The following CAMK1G variants were observed in gnomAD, a reference collection of about 807,000 sequenced individuals.
CAMK1G encodes calcium/calmodulin dependent protein kinase IG.
A neutral mutation model predicts 54.8 loss-of-function variants in CAMK1G; 27 were observed. That is an observed-to-expected ratio of 0.49 (90% CI 0.36 to 0.68). The LOEUF (loss-of-function observed/expected upper bound fraction) is 0.68, where lower values mean the gene tolerates loss of function less well. Among genes scored for constraint, CAMK1G ranks in the 30% least tolerant of loss-of-function variants. The pLI is 0.00. For missense variants in CAMK1G, 512 were observed against 591.0 expected (o/e 0.87, Z 1.39); for synonymous variants, 238 against 224.9 (o/e 1.06, Z -0.52).
intron 1 of CAMK1G, among the ~76,000 whole-genome samples, chr1:209,594,351 T>A (rs1191485960): frequency 6.6e-6 from 1 of 152,220 alleles, no homozygotes; most frequent in African/African-American, 2.4e-5. Context: ...AGGTGCTAAA[T>A]ACATATTGGT....
At chr1:209,605,413 C>G (rs1402072907) in intron 4 of CAMK1G, 123 bp from the exon 5 acceptor site, 1 of 1,178,366 alleles carries the variant, frequency 8.5e-7, no homozygotes, top group Non-Finnish European at 1.2e-6. Context: ...GCCCTTCAAT[C>G]ACAGTTCATG....
intron 10 of CAMK1G, 110 bp downstream of exon 10, chr1:209,611,662 C>A: frequency 6.9e-7 from 1 of 1,456,334 alleles, no homozygotes; most frequent in Non-Finnish European, 9.4e-7. Context: ...GGCATTGGAG[C>A]TCCGTGTACC....
rs1228276529 is a variant in CAMK1G at position 209,612,203 on chromosome 1, G to T, written c.1327G>T (p.Ala443Ser). 1 of 1,613,186 alleles carries T rather than the reference G, an allele frequency of 6.2e-7. No individual in the cohort carries two copies. The highest frequency in any genetic ancestry group is 1.3e-5 in the African/African-American group (1 of 74,880). Reference protein sequence around the residue: ...YCSEPTLLKKANKKQNFKSEV... With the variant: ...YCSEPTLLKKSNKKQNFKSEV... ...CTCTGAGCCCACACTCCTCAAAAAG[G>T]CCAACAAAAAACAGTACGTATTTTT... Residue 443 changes from alanine (A) to serine (S), a missense_variant, in exon 11 of 13, where the codon GCC becomes TCC. Physicochemically the swap from Ala to Ser is moderately conservative, Grantham distance 99. Coordinates refer to ENST00000361322, the MANE Select transcript of CAMK1G (RefSeq NM_020439.3).
In CAMK1G at chr1:209,595,005, G is replaced by T. The variant is rs1314604551; in HGVS notation, c.22G>T (p.Asp8Tyr). The change falls in exon 2 of 13, where the codon GAC becomes TAC. Residue 8 changes from aspartate to tyrosine, a missense_variant. Transcript: ENST00000361322. ...GGCAATGGGTCGAAAGGAAGAAGAT[G>T]ACTGCAGTTCCTGGAAGAAACAGAC... MGRKEED[D>Y]CSSWKKQTTN... The T allele has an allele frequency of 6.2e-7, 1 of 1,614,048 alleles. No individual in the cohort carries two copies. The highest frequency in any genetic ancestry group is 1.1e-5 in the South Asian group (1 of 91,030).
At chr1:209,607,114 G>A (rs1040793283) in intron 6 of CAMK1G, among the ~76,000 whole-genome samples, 15 of 152,304 alleles carry the variant, frequency 9.8e-5, no homozygotes, top group African/African-American at 3.6e-4. Context: ...CCTGTTTGCA[G>A]TTGGGTAATG....
chr1:209,592,507 C>T (rs771179589), intron 1 of CAMK1G, among the ~76,000 whole-genome samples: 8 of 152,126 alleles, frequency 5.3e-5, no homozygotes, highest in Non-Finnish European at 7.4e-5. Flanking sequence ...TCTCAACTCA[C>T]CTCCTCCCTC....
At chr1:209,612,994 C>G in intron 12 of CAMK1G, 46 bp from the exon 13 acceptor site, 1 of 724,072 alleles carries the variant, frequency 1.4e-6, no homozygotes, top group Non-Finnish European at 2.4e-6. Flanking sequence ...GTGATGGGGT[C>G]TGAGGTGGCA....
chr1:209,612,879 C>A lies in CAMK1G; in HGVS notation c.*4C>A. ...TGGAGTCTGTCTCATTATGTGATTCCTGGAGCCTGTGCCTATGTCACTGCA... is the reference window on the plus strand; with the variant it reads ...TGGAGTCTGTCTCATTATGTGATTCATGGAGCCTGTGCCTATGTCACTGCA... On this transcript the variant is annotated 3_prime_UTR_variant, in exon 12 of 13. Coordinates refer to ENST00000361322, the MANE Select transcript of CAMK1G (RefSeq NM_020439.3). 6.3e-7 allele frequency: 1 copy of A among 1,597,090 alleles called. No individual in the cohort carries two copies. Among genetic ancestry groups the A allele is most frequent in the Non-Finnish European group, 8.6e-7 (1 of 1,164,890 alleles).
At chr1:209,609,291 G>A (rs567388841) in intron 8 of CAMK1G, among the ~76,000 whole-genome samples, 199 bp downstream of exon 8, 1 of 152,228 alleles carries the variant, frequency 6.6e-6, no homozygotes, top group African/African-American at 2.4e-5. Flanking sequence ...CTATGCTTTT[G>A]TTTTTCTGGA....
At chr1:209,592,668 G>A (rs573197113) in intron 1 of CAMK1G, among the ~76,000 whole-genome samples, 4 of 152,302 alleles carry the variant, frequency 2.6e-5, no homozygotes, top group Admixed American at 1.3e-4. Flanking sequence ...TCTACTCCAA[G>A]AGAGCGAAAG....
chr1:209,603,090 G>A (rs1665567939), intron 3 of CAMK1G, 124 bp from the exon 4 acceptor site: 1 of 790,778 alleles, frequency 1.3e-6, no homozygotes, highest in Admixed American at 2.4e-5. Context: ...AGGCTTCACA[G>A]AGACCTAGTC....
At chr1:209,601,522 A>G (rs1489455951) in intron 3 of CAMK1G, among the ~76,000 whole-genome samples, 1 of 152,228 alleles carries the variant, frequency 6.6e-6, no homozygotes, top group Admixed American at 6.5e-5. Context: ...CATGCTGGAG[A>G]CACAGGTCTA....
intron 9 of CAMK1G, 68 bp from the exon 10 acceptor site, chr1:209,611,397 C>A: frequency 6.9e-7 from 1 of 1,450,680 alleles, no homozygotes; most frequent in South Asian, 1.2e-5. Context: ...CCTGCAGGCA[C>A]CCTGCCCACT....
In CAMK1G at chr1:209,611,851, C is replaced by T. The variant is rs780912545; in HGVS notation, c.975C>T (p.His325=). ...TGAGGAAGCTACACATGAACCTGCA[C>T]AGCCCGGGCGTCCGCCCAGAGGTGG... The part of the protein sequence containing the change: ...HHMRKLHMNL[H]SPGVRPEVEN... Residue 325 remains histidine (H), a synonymous_variant, in exon 11 of 13, where the codon CAC becomes CAT. Coordinates refer to ENST00000361322, the MANE Select transcript of CAMK1G (RefSeq NM_020439.3). The T allele has an allele frequency of 4.9e-5, 79 of 1,614,234 alleles. No individual in the cohort carries two copies. The South Asian group carries it at 5.6e-4, about 11-fold the overall frequency.
intron 1 of CAMK1G, among the ~76,000 whole-genome samples, chr1:209,589,737 T>A (rs1437592548): frequency 1.3e-5 from 2 of 152,182 alleles, no homozygotes; most frequent in Admixed American, 6.5e-5. Flanking sequence ...TATTTATATA[T>A]CTGTGTTTGG....
At chr1:209,606,835 GC>G (rs1558140681) in intron 6 of CAMK1G, among the ~76,000 whole-genome samples, 1 of 152,088 alleles carries the variant, frequency 6.6e-6, no homozygotes, top group Admixed American at 6.5e-5. Context: ...GGAGACATTA[GC>G]CCCCAGTTCT....
At chr1:209,610,417 T>C (rs565123216) in intron 9 of CAMK1G, among the ~76,000 whole-genome samples, 27 of 152,212 alleles carry the variant, frequency 1.8e-4, no homozygotes, top group South Asian at 4.1e-4. Flanking sequence ...CCCCACTTCA[T>C]ACCCCAGCAA....
intron 1 of CAMK1G, among the ~76,000 whole-genome samples, chr1:209,594,278 C>T (rs912182428): frequency 6.6e-6 from 1 of 152,224 alleles, no homozygotes; most frequent in Non-Finnish European, 1.5e-5. Context: ...AGGCTGGCAG[C>T]CCCATGAAGG....
At position 209,611,482 on chromosome 1, in the gene CAMK1G, C is replaced by G; in HGVS notation, c.845C>G (p.Ala282Gly). The G allele has an allele frequency of 6.2e-7, 1 of 1,614,166 alleles. No homozygotes were observed. The highest frequency in any genetic ancestry group is 8.5e-7 in the Non-Finnish European group (1 of 1,180,014). ...LSHPWIDGNT[A>G]LHRDIYPSVS... is the part of the protein sequence containing the mutation. ...ATCCACAGGATTGACGGAAACACAG[C>G]CCTCCACCGGGACATCTACCCATCA... The change falls in exon 10 of 13, where the codon GCC becomes GGC. Residue 282 changes from alanine (A) to glycine (G), a missense_variant. Transcript: ENST00000361322.
Sources: allele counts gnomAD v4.1 joint callset (sites outside exome capture counted in the v4.1 genomes callset), GRCh38; gene constraint gnomAD v4.1.1; transcripts MANE v1.5; gene names NCBI Gene and HGNC (gene_info 2026-07-23, HGNC 2026-07-21).